The following MYO3A variants were observed in gnomAD, a reference collection of about 807,000 sequenced individuals.
MYO3A encodes the protein myosin-IIIa.
Under a neutral mutation model 192.7 loss-of-function variants are expected in MYO3A, and 180 were observed. The observed-to-expected ratio is 0.93, with a 90% CI of 0.83 to 1.06. MYO3A has a LOEUF of 1.06. Ranked by LOEUF, MYO3A falls within the 50% of genes least tolerant of loss-of-function variation. The pLI is 0.00. For synonymous variants in MYO3A, 628 were observed against 645.3 expected, an observed-to-expected ratio of 0.97 and a Z score of 0.41; for missense variants, 1,896 against 1,905.0, an observed-to-expected ratio of 1.00 and a Z score of 0.09.
intron 4 of MYO3A, among the ~76,000 whole-genome samples, chr10:25,972,932 G>A (rs942756296): frequency 7.9e-5 from 12 of 152,112 alleles, no homozygotes; most frequent in African/African-American, 1.9e-4. Context: ...AGTACTTTTT[G>A]TGGCTAGCTT....
intron 6 of MYO3A, among the ~76,000 whole-genome samples, chr10:26,005,691 ATATATATG>A (rs1053914897): frequency 1.3e-5 from 2 of 152,112 alleles, no homozygotes; most frequent in African/African-American, 4.8e-5. Flanking sequence ...GTATATGTGT[ATATATATG>A]TATATATGTA....
chr10:25,965,836 A>C (rs139339645), intron 4 of MYO3A, among the ~76,000 whole-genome samples: 70 of 152,000 alleles, frequency 4.6e-4, no homozygotes, highest in Non-Finnish European at 9.4e-4. Context: ...GACAGTACTG[A>C]GTTCAATGCC....
intron 10 of MYO3A, among the ~76,000 whole-genome samples, chr10:26,054,680 A>G (rs1844209581): frequency 6.6e-6 from 1 of 152,224 alleles, no homozygotes; most frequent in Non-Finnish European, 1.5e-5. Context: ...TATAAGACAG[A>G]GGCAAGAAGG....
chr10:26,142,871 A>G (rs909803735), intron 20 of MYO3A, among the ~76,000 whole-genome samples: 2 of 152,214 alleles, frequency 1.3e-5, no homozygotes, highest in East Asian at 1.9e-4. Context: ...TAATTTTGTT[A>G]CTTCTCATTA....
chr10:26,181,922 A>G (rs1480360148), intron 31 of MYO3A, among the ~76,000 whole-genome samples: 1 of 152,248 alleles, frequency 6.6e-6, no homozygotes, highest in African/African-American at 2.4e-5. Flanking sequence ...AATGATTAAT[A>G]AGTAATGACA....
At chr10:25,969,018 T>C (rs1213598800) in intron 4 of MYO3A, among the ~76,000 whole-genome samples, 2 of 152,190 alleles carry the variant, frequency 1.3e-5, no homozygotes, top group Non-Finnish European at 2.9e-5. Flanking sequence ...GGTGGGCGGA[T>C]GACAAGGTCA....
rs536096491 is a variant in MYO3A, at chr10:26,145,354, T to G, written c.2417-92T>G. ...GCTATGTAAAATTTTCTTTGTTCAC[T>G]GCACATTGTCCTTTTTATGGTAAAT... On this transcript the variant is annotated intron_variant, in intron 21 of 34. Coordinates refer to ENST00000642920, the MANE Select transcript of MYO3A (RefSeq NM_017433.5). The G allele has an allele frequency of 6.6e-4, 575 of 871,454 alleles. 2 individuals carry two copies. In the African/African-American group the frequency reaches 8.3e-3, roughly 13 times the overall value. 54.0% of individuals were successfully genotyped at this position (871,454 alleles called of 1,614,324 possible).
chr10:26,082,582 G>C (rs1344366994), intron 14 of MYO3A, among the ~76,000 whole-genome samples: 2 of 152,152 alleles, frequency 1.3e-5, no homozygotes, highest in Non-Finnish European at 2.9e-5. Flanking sequence ...GTGGTTGCCA[G>C]AAACTGCAGA....
chr10:26,209,645 G>T (rs536424074), intron 34 of MYO3A, among the ~76,000 whole-genome samples: 3 of 152,230 alleles, frequency 2.0e-5, no homozygotes, highest in African/African-American at 7.2e-5. Flanking sequence ...TGGCCTTCAG[G>T]ACAGCACTTC....
Position 26,054,910 on chromosome 10 carries a change from T to C in MYO3A, c.954-12065T>C, listed in dbSNP as rs190076001. On this transcript the variant is annotated intron_variant, in intron 10 of 34. Transcript: ENST00000642920. ...AGAACTGTGAGAGAATAAATACTCA[T>C]TGTTTTATGCCACAAGATTTGTGAT... Among the ~76,000 whole-genome samples the C allele has an allele frequency of 4.6e-5, 7 of 152,358 alleles. No homozygotes were observed. The East Asian group carries it at 1.2e-3, about 25-fold the overall frequency.
intron 14 of MYO3A, among the ~76,000 whole-genome samples, chr10:26,087,624 T>C (rs1836417869): frequency 6.6e-6 from 1 of 152,138 alleles, no homozygotes; most frequent in Admixed American, 6.5e-5. Flanking sequence ...AAATGGAACA[T>C]ACTTCTTTGA....
In MYO3A at chr10:25,955,010, T is replaced by C. The variant is rs757310669; in HGVS notation, c.303+2T>C. The C allele has an allele frequency of 6.2e-7, 1 of 1,612,772 alleles. No individual in the cohort carries two copies. The highest frequency in any genetic ancestry group is 2.2e-5 in the East Asian group (1 of 44,780). On this transcript the variant is annotated splice_donor_variant, in intron 4 of 34. Coordinates refer to ENST00000642920, the MANE Select transcript of MYO3A (RefSeq NM_017433.5). LOFTEE classifies it high-confidence loss of function. ...GACAAGCTGTGGTTGGTTCTTGAGGTAAGTGTGTCAGCATCATTTGTATGG... is the reference window on the plus strand; with the variant it reads ...GACAAGCTGTGGTTGGTTCTTGAGGCAAGTGTGTCAGCATCATTTGTATGG...
intron 31 of MYO3A, among the ~76,000 whole-genome samples, chr10:26,178,594 C>CAAG (rs1842450170): frequency 6.7e-6 from 1 of 150,356 alleles, no homozygotes; most frequent in Admixed American, 6.6e-5. Context: ...ACAACAACAA[C>CAAG]AAGGGACAAC....
intron 31 of MYO3A, among the ~76,000 whole-genome samples, chr10:26,186,547 T>A (rs1842878583): frequency 6.6e-6 from 1 of 152,218 alleles, no homozygotes; most frequent in Non-Finnish European, 1.5e-5. Flanking sequence ...ATTACAGGTG[T>A]GAGCCACTGC....
chr10:26,160,082 AT>A (rs956770051), intron 26 of MYO3A, among the ~76,000 whole-genome samples: 1 of 152,152 alleles, frequency 6.6e-6, no homozygotes, highest in African/African-American at 2.4e-5. Flanking sequence ...TCAGAAAAAA[AT>A]GAGATCTTTA....
At chr10:26,192,386 T>A (rs777158581) in intron 31 of MYO3A, among the ~76,000 whole-genome samples, 2 of 152,180 alleles carry the variant, frequency 1.3e-5, no homozygotes, top group Non-Finnish European at 2.9e-5. Context: ...GTCTCTTCAT[T>A]TGGGGCCATA....
At chr10:25,986,357 G>A (rs533829716) in intron 4 of MYO3A, among the ~76,000 whole-genome samples, 3 of 152,156 alleles carry the variant, frequency 2.0e-5, no homozygotes, top group Non-Finnish European at 2.9e-5. Context: ...CCTTGCCAGA[G>A]CAATCAGTCA....
In MYO3A at chr10:26,212,202, C is replaced by T. The variant is rs977461628; in HGVS notation, c.*239C>T. ...CGCTCTCTCTCGGAACTCCCGCACC[C>T]TCCTTTCTCACCAGCCCGCCAGTTG... On this transcript the variant is annotated 3_prime_UTR_variant, in exon 35 of 35. Transcript: ENST00000642920. The T allele has an allele frequency of 9.7e-5, 54 of 556,226 alleles. No homozygotes were observed. Among genetic ancestry groups the T allele is most frequent in the Non-Finnish European group, 1.5e-4 (48 of 321,518 alleles). 34.5% of individuals were successfully genotyped at this position (556,226 alleles called of 1,614,324 possible).
chr10:26,187,217 G>C (rs1222726555), intron 31 of MYO3A, among the ~76,000 whole-genome samples: 1 of 151,856 alleles, frequency 6.6e-6, no homozygotes, highest in Non-Finnish European at 1.5e-5. Flanking sequence ...CCACCATCTA[G>C]AGACTTCGAG....
Sources: gnomAD v4.1 joint callset for allele counts (sites outside exome capture counted in the v4.1 genomes callset) on GRCh38, gnomAD v4.1.1 for gene constraint, MANE v1.5 for transcripts, NCBI Gene and HGNC (gene_info 2026-07-23, HGNC 2026-07-21) for gene names.